PILRA: variants seen among roughly 807,000 people sequenced by gnomAD.
PILRA encodes paired immunoglobin like type 2 receptor alpha.
In PILRA, 37 loss-of-function variants were observed where a neutral mutation model predicts 33.1. That is an observed-to-expected ratio of 1.12 (90% CI 0.86 to 1.47). PILRA has a LOEUF of 1.47. PILRA is among the 40% of genes most tolerant of loss of function. The pLI, the probability that PILRA is intolerant of heterozygous loss-of-function variation, is 0.00. For synonymous variants in PILRA, 146 were observed against 149.9 expected (o/e 0.97, Z 0.19); for missense variants, 312 against 376.2 (o/e 0.83, Z 1.41).
intron 2 of PILRA, among the ~76,000 whole-genome samples, chr7:100,380,533 T>C (rs893703496): frequency 6.6e-6 from 1 of 152,170 alleles, no homozygotes; most frequent in African/African-American, 2.4e-5. Flanking sequence ...TGGTGGCTCA[T>C]GCCTGTAATT....
chr7:100,388,589 TACAA>T (rs1425482627), intron 2 of PILRA, among the ~76,000 whole-genome samples: 6 of 145,918 alleles, frequency 4.1e-5, no homozygotes, highest in Non-Finnish European at 9.0e-5. Context: ...AAAAAAAAAA[TACAA>T]AAATTAGCTG....
At chr7:100,372,723 T>G (rs918948294), upstream of PILRA, among the ~76,000 whole-genome samples, 3 of 152,216 alleles carry the variant, frequency 2.0e-5, no homozygotes, top group Non-Finnish European at 4.4e-5. Flanking sequence ...GACAGCCTCC[T>G]GTCCTGCACT....
intron 2 of PILRA, among the ~76,000 whole-genome samples, chr7:100,380,090 C>T (rs780289953): frequency 3.9e-5 from 6 of 152,164 alleles, no homozygotes; most frequent in Non-Finnish European, 8.8e-5. Flanking sequence ...AGCCCAAAGA[C>T]GAGAGGTTTG....
At chr7:100,379,129 T>G (rs982966001) in intron 2 of PILRA, among the ~76,000 whole-genome samples, 1 of 147,142 alleles carries the variant, frequency 6.8e-6, no homozygotes, top group Non-Finnish European at 1.5e-5. Flanking sequence ...ATAGGCCAGG[T>G]GCAGTGGTTT....
At chr7:100,373,272 G>A (rs1790859719), upstream of PILRA, among the ~76,000 whole-genome samples, 1 of 152,204 alleles carries the variant, frequency 6.6e-6, no homozygotes. Flanking sequence ...AGAGAAGGAT[G>A]AGAAGTGAGG....
chr7:100,372,444 TC>T (rs1446498171), upstream of PILRA, among the ~76,000 whole-genome samples: 1 of 151,904 alleles, frequency 6.6e-6, no homozygotes, highest in East Asian at 1.9e-4. Context: ...AATCCTGTCT[TC>T]CCCCACGGCC....
chr7:100,390,341 A>T (rs1475265590), intron 3 of PILRA, among the ~76,000 whole-genome samples: 2 of 151,904 alleles, frequency 1.3e-5, no homozygotes, highest in Non-Finnish European at 2.9e-5. Flanking sequence ...ATCCCCCCCT[A>T]GTTCTTCTCT....
intron 2 of PILRA, among the ~76,000 whole-genome samples, chr7:100,389,075 A>T (rs1273444371): frequency 6.6e-6 from 1 of 152,128 alleles, no homozygotes; most frequent in Non-Finnish European, 1.5e-5. Context: ...GATCTCCAGT[A>T]TCCTTTTCCT....
At chr7:100,395,570 C>T (rs527738007) in intron 3 of PILRA, among the ~76,000 whole-genome samples, 127 of 152,142 alleles carry the variant, frequency 8.3e-4, no homozygotes, top group Non-Finnish European at 1.1e-3. Context: ...TTCTTATATA[C>T]ATTAGCAGCA....
chr7:100,384,947 A>T (rs1791223638), intron 2 of PILRA, among the ~76,000 whole-genome samples: 1 of 152,198 alleles, frequency 6.6e-6, no homozygotes, highest in South Asian at 2.1e-4. Flanking sequence ...GTGAGGCAGG[A>T]GAACCAAGGG....
At chr7:100,398,783 G>C (rs1289498136) in intron 4 of PILRA, among the ~76,000 whole-genome samples, 1 of 152,078 alleles carries the variant, frequency 6.6e-6, no homozygotes, top group African/African-American at 2.4e-5. Flanking sequence ...TGAGCACCGA[G>C]GGACCTCTGC....
rs1791532013 is a variant in PILRA at position 100,397,866 on chromosome 7, G to A, written c.674-13G>A. ...CCGGATGCCACCCTGACTCACTGTT[G>A]GTCCCCCTACAGGTCAGCAGCGGAC... is the stretch of plus-strand genomic sequence containing the variant. On this transcript the variant is annotated splice_polypyrimidine_tract_variant and intron_variant, in intron 3 of 6. Coordinates refer to ENST00000198536, the MANE Select transcript of PILRA (RefSeq NM_013439.3). 1 of 1,613,264 alleles carries A rather than the reference G, an allele frequency of 6.2e-7. No individual in the cohort carries two copies. The highest frequency in any genetic ancestry group is 8.5e-7 in the Non-Finnish European group (1 of 1,179,760).
At chr7:100,380,432 C>T (rs1479504496) in intron 2 of PILRA, among the ~76,000 whole-genome samples, 1 of 152,168 alleles carries the variant, frequency 6.6e-6, no homozygotes, top group Non-Finnish European at 1.5e-5. Context: ...TGAGAGGGTG[C>T]TTTACAAAGG....
chr7:100,375,920 C>T (rs914825742), intron 2 of PILRA, among the ~76,000 whole-genome samples: 5 of 152,154 alleles, frequency 3.3e-5, no homozygotes, highest in Admixed American at 6.5e-5. Context: ...GAAAGGGCGT[C>T]GGGGAAATTT....
At chr7:100,388,749 CAAAAAAAAAA>C (rs913179599) in intron 2 of PILRA, among the ~76,000 whole-genome samples, 356 of 12,856 alleles carry the variant, frequency 0.028, 2 homozygotes, top group African/African-American at 0.065. Flanking sequence ...GCCTCCGTCT[CAAAAAAAAAA>C]AAAAAAAAAA....
chr7:100,373,847 C>T (rs983538962), intron 1 of PILRA, 127 bp downstream of exon 1: 3 of 1,352,378 alleles, frequency 2.2e-6, no homozygotes, highest in African/African-American at 2.9e-5. Flanking sequence ...GCGGGTCCCA[C>T]AGGGGCGGGT....
intron 2 of PILRA, among the ~76,000 whole-genome samples, chr7:100,379,668 CAAAA>C (rs57322009): frequency 4.3e-5 from 3 of 69,046 alleles, no homozygotes; most frequent in Non-Finnish European, 5.7e-5. Context: ...ACTCTGTCTC[CAAAA>C]AAAAAAAAAA....
chr7:100,396,928 A>C (rs551037567), intron 3 of PILRA, among the ~76,000 whole-genome samples: 1 of 152,166 alleles, frequency 6.6e-6, no homozygotes, highest in Admixed American at 6.5e-5. Context: ...GAATATACTT[A>C]ACACTAATGA....
At chr7:100,381,842 C>T (rs1275743488) in intron 2 of PILRA, among the ~76,000 whole-genome samples, 1 of 152,196 alleles carries the variant, frequency 6.6e-6, no homozygotes, top group Non-Finnish European at 1.5e-5. Flanking sequence ...CGGCCCCGGG[C>T]AGTGAGGGAC....
Sources: gnomAD v4.1 joint callset for allele counts (sites outside exome capture counted in the v4.1 genomes callset) on GRCh38, gnomAD v4.1.1 for gene constraint, MANE v1.5 for transcripts, NCBI Gene and HGNC (gene_info 2026-07-23, HGNC 2026-07-21) for gene names.